The following DNAH8 variants were observed in gnomAD, a reference collection of about 807,000 sequenced individuals.
DNAH8 encodes the protein axonemal beta dynein heavy chain 8.
In DNAH8, 382 loss-of-function variants were observed where a neutral mutation model predicts 562.1. The ratio of observed to expected loss-of-function variants is 0.68; its 90% CI spans 0.63 to 0.74. DNAH8 has a LOEUF of 0.74. Ranked by LOEUF, DNAH8 falls within the 30% of genes least tolerant of loss-of-function variation. The pLI is 0.00. For missense variants in DNAH8, 5,203 were observed against 5,620.4 expected (o/e 0.93, Z 2.37); for synonymous variants, 1,881 against 1,919.4 (o/e 0.98, Z 0.52).
At chr6:38,936,523 A>C (rs951393271) in intron 77 of DNAH8, 1 of 152,196 alleles carries the variant, frequency 6.6e-6, no homozygotes, top group African/African-American at 2.4e-5. Flanking sequence ...TCACAACTGC[A>C]CCTTAATCCC....
In DNAH8 at chr6:38,894,811, C is replaced by G; in HGVS notation, c.8694C>G (p.Ile2898Met). 6.2e-7 allele frequency: 1 copy of G among 1,614,042 alleles called. No homozygotes were observed. Among genetic ancestry groups the G allele is most frequent in the Non-Finnish European group, 8.5e-7 (1 of 1,179,986 alleles). ...LTIKAEECAS[I>M]PTLLSLFKHE... Reference sequence around the variant, plus strand: ...TAAAAGCTGAGGAGTGCGCTTCAATCCCTACTCTCCTGTCCCTTTTCAAAC... The same window carrying G: ...TAAAAGCTGAGGAGTGCGCTTCAATGCCTACTCTCCTGTCCCTTTTCAAAC... Residue 2898 changes from isoleucine to methionine, a missense_variant, in exon 59 of 93, where the codon ATC becomes ATG. By Grantham distance (10) the Ile-to-Met change is conservative. Around this residue, in one of 6 missense-constraint regions of DNAH8, gnomAD observed 977 missense variants for 1,061.8 expected, o/e 0.92. Coordinates refer to ENST00000327475, the MANE Select transcript of DNAH8 (RefSeq NM_001206927.2).
chr6:38,807,670 A>G lies in DNAH8; in HGVS notation c.3211A>G (p.Thr1071Ala). 1 of 1,568,296 alleles carries G rather than the reference A, an allele frequency of 6.4e-7. No homozygotes were observed. Among genetic ancestry groups the G allele is most frequent in the Admixed American group, 1.9e-5 (1 of 53,120 alleles). Residue 1071 changes from threonine (T) to alanine (A), a missense_variant, in exon 24 of 93, where the codon ACA (threonine) becomes GCA (alanine). By Grantham distance (58) the Thr-to-Ala change is moderately conservative (BLOSUM62 0). Transcript: ENST00000327475. ...HQLLDSLQKA[T>A]RLSLDTMKRR... is the part of the protein sequence containing the mutation. ...ATTACTAGACAGTCTTCAAAAAGCTACACGGTTATCTCTGGACACAATGAA... is the reference window on the plus strand; with the variant it reads ...ATTACTAGACAGTCTTCAAAAAGCTGCACGGTTATCTCTGGACACAATGAA...
intron 76 of DNAH8, among the ~76,000 whole-genome samples, chr6:38,934,648 A>C (rs1368002548): frequency 2.0e-5 from 3 of 152,202 alleles, no homozygotes; most frequent in Middle Eastern, 3.2e-3. Context: ...TGAGATTTCA[A>C]TGTAGACTCT....
At chr6:38,988,416 A>G (rs941783515) in intron 87 of DNAH8, among the ~76,000 whole-genome samples, 2 of 152,184 alleles carry the variant, frequency 1.3e-5, no homozygotes, top group African/African-American at 4.8e-5. Flanking sequence ...CAGTGTGGTT[A>G]TTTGTTATCT....
Position 38,868,052 on chromosome 6 carries a change from C to T in DNAH8, c.6694-10C>T. On this transcript the variant is annotated splice_polypyrimidine_tract_variant and intron_variant, in intron 47 of 92. Coordinates refer to ENST00000327475, the MANE Select transcript of DNAH8 (RefSeq NM_001206927.2). ...TTAAACCATCTTTTTGCCCTCTTCT[C>T]CCATCTCAGGTTCATTATGACTTTG... 6.2e-7 allele frequency: 1 copy of T among 1,604,996 alleles called. No homozygotes were observed. Among genetic ancestry groups the T allele is most frequent in the Non-Finnish European group, 8.5e-7 (1 of 1,177,336 alleles).
chr6:38,719,807 TA>T (rs2127560948), intron 1 of DNAH8, among the ~76,000 whole-genome samples: 1 of 152,256 alleles, frequency 6.6e-6, no homozygotes, highest in South Asian at 2.1e-4. Context: ...GCGAATGGGC[TA>T]ACCATTAAGC....
chr6:38,891,873 T>C (rs1186353687), intron 58 of DNAH8, among the ~76,000 whole-genome samples: 1 of 152,220 alleles, frequency 6.6e-6, no homozygotes, highest in African/African-American at 2.4e-5. Context: ...TTTCTTTACC[T>C]CTTTAATCCA....
At position 38,954,470 on chromosome 6, in the gene DNAH8, C is replaced by T. The variant is rs1165746081; in HGVS notation, c.12451+2950C>T. On this transcript the variant is annotated intron_variant, in intron 82 of 92. Coordinates refer to ENST00000327475, the MANE Select transcript of DNAH8 (RefSeq NM_001206927.2). ...CTGTAATCCCAGCACTTTGGGAGGCCGAGACGGGCGGATCACGAGGTCAGG... is the reference window on the plus strand; with the variant it reads ...CTGTAATCCCAGCACTTTGGGAGGCTGAGACGGGCGGATCACGAGGTCAGG... 1.6e-3 allele frequency among the ~76,000 whole-genome samples: 2 copies of T among 1,272 alleles called. 1 individual carries two copies. The highest frequency in any genetic ancestry group is 2.7e-3 in the Non-Finnish European group (2 of 744). The allele number at this position is 1,272 out of a possible 152,430, so 0.8% of individuals were successfully genotyped here. A position where few individuals can be genotyped will look rare whatever the true frequency, so the allele number is the denominator to read the frequency against.
intron 21 of DNAH8, among the ~76,000 whole-genome samples, chr6:38,793,460 T>C (rs1769944008): frequency 6.6e-6 from 1 of 152,234 alleles, no homozygotes; most frequent in Non-Finnish European, 1.5e-5. Flanking sequence ...TACCAGCTTT[T>C]TTCAGGTTAC....
rs1782579980 is a variant in DNAH8, at chr6:38,931,944, A to G, written c.11408A>G (p.Lys3803Arg). 1 of 1,609,946 alleles carries G rather than the reference A, an allele frequency of 6.2e-7. No homozygotes were observed. The highest frequency in any genetic ancestry group is 8.5e-7 in the Non-Finnish European group (1 of 1,178,606). Residue 3803 changes from lysine (K) to arginine (R), a missense_variant, in exon 76 of 93, where the codon AAA becomes AGA. Transcript: ENST00000327475. ...TSVIDFTVTM[K>R]GLENQLLRRV... is the part of the protein sequence containing the mutation. ...GTCATTGATTTCACTGTTACAATGA[A>G]AGGACTTGAGAATCAGTTACTAAGG...
At chr6:38,865,296 TA>T (rs1190441448) in intron 45 of DNAH8, among the ~76,000 whole-genome samples, 1 of 152,174 alleles carries the variant, frequency 6.6e-6, no homozygotes, top group Non-Finnish European at 1.5e-5. Context: ...GTAAAGCAGT[TA>T]GGGGGAAATA....
chr6:38,932,010 G>A lies in DNAH8; in HGVS notation c.11457+17G>A. 2 of 1,490,044 alleles carry A rather than the reference G, an allele frequency of 1.3e-6. No individual in the cohort carries two copies. Among genetic ancestry groups the A allele is most frequent in the South Asian group, 1.4e-5 (1 of 70,236 alleles). The allele number at this position is 1,490,044 out of a possible 1,614,324, so 92.3% of individuals were successfully genotyped here. On this transcript the variant is annotated intron_variant, in intron 76 of 92. Coordinates refer to ENST00000327475, the MANE Select transcript of DNAH8 (RefSeq NM_001206927.2). Reference sequence around the variant, plus strand: ...GAGAAACAGGTAATCTCTCTCTCAAGGTAAAGAATTTCTGCTTATAATACA... The same window carrying A: ...GAGAAACAGGTAATCTCTCTCTCAAAGTAAAGAATTTCTGCTTATAATACA...
intron 10 of DNAH8, 88 bp from the exon 11 acceptor site, chr6:38,761,614 C>T (rs1766523246): frequency 2.5e-6 from 2 of 801,294 alleles, no homozygotes; most frequent in South Asian, 2.4e-5. Context: ...TATTCTTTAT[C>T]ATATTTTTAT....
intron 13 of DNAH8, 150 bp from the exon 14 acceptor site, chr6:38,778,238 T>C (rs568925203): frequency 2.0e-6 from 1 of 497,722 alleles, no homozygotes; most frequent in Admixed American, 3.7e-5. Context: ...AAGTCCATCA[T>C]ACTGGACGAT....
At chr6:38,849,759 G>T (rs1775594477) in intron 37 of DNAH8, among the ~76,000 whole-genome samples, 1 of 152,032 alleles carries the variant, frequency 6.6e-6, no homozygotes, top group South Asian at 2.1e-4. Flanking sequence ...ATAGTAAATA[G>T]AAAATTTTCA....
At chr6:38,828,926 A>G (rs186849188) in intron 30 of DNAH8, among the ~76,000 whole-genome samples, 5 of 152,170 alleles carry the variant, frequency 3.3e-5, no homozygotes, top group Non-Finnish European at 1.5e-5. Flanking sequence ...CCACTAATCT[A>G]CTTTCTGTTT....
Position 38,917,979 on chromosome 6 carries a change from A to G in DNAH8, c.10363A>G (p.Ile3455Val), listed in dbSNP as rs774568425. The G allele has an allele frequency of 3.0e-5, 49 of 1,613,764 alleles. No homozygotes were observed. Among genetic ancestry groups the G allele is most frequent in the Non-Finnish European group, 3.8e-5 (45 of 1,179,860 alleles). ...WSLQQFPKDT[I>V]NEETVELLQP... ...CCTTCAGCAGTTCCCTAAGGACACT[A>G]TAAATGAAGAGACTGTTGAGTTACT... Residue 3455 changes from isoleucine (I) to valine (V), a missense_variant, in exon 70 of 93, where the codon ATA becomes GTA. Physicochemically the swap from Ile to Val is conservative, Grantham distance 29. Coordinates refer to ENST00000327475, the MANE Select transcript of DNAH8 (RefSeq NM_001206927.2).
At chr6:38,928,994 T>C (rs1013653184) in intron 74 of DNAH8, among the ~76,000 whole-genome samples, 23 of 152,206 alleles carry the variant, frequency 1.5e-4, no homozygotes, top group African/African-American at 4.6e-4. Flanking sequence ...AGGTTGACTT[T>C]ACGGAAAGTG....
intron 9 of DNAH8, among the ~76,000 whole-genome samples, chr6:38,752,110 A>C (rs547752166): frequency 6.6e-6 from 1 of 152,064 alleles, no homozygotes; most frequent in African/African-American, 2.4e-5. Context: ...CCACTTTACT[A>C]TGTTGCTTCT....
Sources: gnomAD v4.1 joint callset for allele counts (sites outside exome capture counted in the v4.1 genomes callset) on GRCh38, gnomAD v4.1.1 for gene constraint, gnomAD v4.1.1 regional missense constraint, MANE v1.5 for transcripts, NCBI Gene and HGNC (gene_info 2026-07-23, HGNC 2026-07-21) for gene names.